NBEAL1: variants seen among roughly 807,000 people sequenced by gnomAD.
The protein encoded by NBEAL1 is neurobeachin like 1, also known as neurobeachin-like protein 1.
A neutral mutation model predicts 351.3 loss-of-function variants in NBEAL1; 273 were observed. The ratio of observed to expected loss-of-function variants is 0.78; its 90% CI spans 0.70 to 0.86. The LOEUF is 0.86. Among genes scored for constraint, NBEAL1 ranks in the 40% least tolerant of loss-of-function variants. The pLI, the probability that NBEAL1 is intolerant of heterozygous loss-of-function variation, is 0.00. For synonymous variants in NBEAL1, 1,050 were observed against 1,086.4 expected, an observed-to-expected ratio of 0.97 and a Z score of 0.66; for missense variants, 2,961 against 3,201.3, an observed-to-expected ratio of 0.92 and a Z score of 1.81.
At chr2:203,031,728 G>A (rs1484890837) in intron 2 of NBEAL1, among the ~76,000 whole-genome samples, 6 of 152,100 alleles carry the variant, frequency 3.9e-5, no homozygotes, top group Admixed American at 2.6e-4. Context: ...AAAATTGAAC[G>A]ATAAAAGTAC....
chr2:203,190,286 T>C lies in NBEAL1; in HGVS notation c.6824-6T>C. ...TCTATAGTAAGTTGACTTCTTCTGG[T>C]TTTAGGAGCTGTGGATCTGGATGCC... is the stretch of plus-strand genomic sequence containing the variant. On this transcript the variant is annotated splice_region_variant and splice_polypyrimidine_tract_variant and intron_variant, in intron 45 of 55. Transcript: ENST00000683969. 3.8e-6 allele frequency: 6 copies of C among 1,599,408 alleles called. No homozygotes were observed. Among genetic ancestry groups the C allele is most frequent in the Non-Finnish European group, 5.1e-6 (6 of 1,174,062 alleles).
intron 27 of NBEAL1, among the ~76,000 whole-genome samples, chr2:203,133,821 G>GA (rs2063133586): frequency 6.6e-6 from 1 of 150,840 alleles, no homozygotes; most frequent in Admixed American, 6.6e-5. Context: ...TGACAGAAAA[G>GA]AAAAATATAT....
At chr2:203,127,016 C>T in intron 23 of NBEAL1, 90 bp downstream of exon 23, 1 of 885,838 alleles carries the variant, frequency 1.1e-6, no homozygotes, top group Non-Finnish European at 1.7e-6. Flanking sequence ...TTCTCTTTAC[C>T]AGCGATTCTA....
chr2:203,057,390 A>C lies in NBEAL1; in HGVS notation c.452A>C (p.His151Pro). 1 of 1,552,818 alleles carries C rather than the reference A, an allele frequency of 6.4e-7. No homozygotes were observed. Among genetic ancestry groups the C allele is most frequent in the East Asian group, 2.4e-5 (1 of 41,750 alleles). Reference sequence around the variant, plus strand: ...ACATGTATTGAAGAATTTGTGATCCACGCATTGGCATTTTGTGAAAGCTTA... The same window carrying C: ...ACATGTATTGAAGAATTTGTGATCCCCGCATTGGCATTTTGTGAAAGCTTA... ...DQTCIEEFVI[H>P]ALAFCESLYD... The change falls in exon 6 of 56, where the codon CAC (histidine) becomes CCC (proline). Residue 151 changes from histidine to proline, a missense_variant. By Grantham distance (77) the His-to-Pro change is moderately conservative. Transcript: ENST00000683969.
intron 4 of NBEAL1, among the ~76,000 whole-genome samples, chr2:203,051,450 G>A (rs200477489): frequency 6.6e-6 from 1 of 151,870 alleles, no homozygotes; most frequent in South Asian, 2.1e-4. Context: ...AGGCTGAGAG[G>A]CAGGAAAATT....
intron 3 of NBEAL1, 141 bp from the exon 4 acceptor site, chr2:203,049,673 G>A (rs75059337): frequency 0.012 from 7,579 of 618,528 alleles, 423 homozygotes; most frequent in African/African-American, 0.12. Context: ...CATCTGTGTT[G>A]CAGACGAGAA....
At chr2:203,145,230 A>G (rs919289742) in intron 33 of NBEAL1, 70 bp downstream of exon 33, 3 of 1,331,716 alleles carry the variant, frequency 2.3e-6, no homozygotes, top group Admixed American at 2.6e-5. Flanking sequence ...ATTAAGAGTA[A>G]TACAGGCCCC....
rs2065970543 is a variant in NBEAL1 at position 203,223,391 on chromosome 2, C to A, written c.*6037C>A. Reference sequence around the variant, plus strand: ...CAATTTTGTCATTTAAAAAATTACCCATTCATTTTTCAAACTTGACTGTTA... The same window carrying A: ...CAATTTTGTCATTTAAAAAATTACCAATTCATTTTTCAAACTTGACTGTTA... On this transcript the variant is annotated 3_prime_UTR_variant, in exon 56 of 56. Transcript: ENST00000683969. Among the ~76,000 whole-genome samples the A allele has an allele frequency of 6.6e-6, 1 of 152,114 alleles. No homozygotes were observed. Among genetic ancestry groups the A allele is most frequent in the African/African-American group, 2.4e-5 (1 of 41,536 alleles).
At chr2:203,200,592 G>T (rs559555904) in intron 49 of NBEAL1, among the ~76,000 whole-genome samples, 2 of 152,074 alleles carry the variant, frequency 1.3e-5, no homozygotes, top group Admixed American at 1.3e-4. Context: ...TACTCGGGGG[G>T]CTGAGGCAGG....
chr2:203,047,673 T>C (rs980445184), intron 3 of NBEAL1, among the ~76,000 whole-genome samples: 5 of 152,038 alleles, frequency 3.3e-5, no homozygotes, highest in African/African-American at 1.2e-4. Flanking sequence ...TTAAGTATGG[T>C]GTAAAAATCT....
rs1163917694 is a variant in NBEAL1 at position 203,055,545 on chromosome 2, C to T, written c.306-882C>T. Among the ~76,000 whole-genome samples the T allele has an allele frequency of 3.9e-5, 6 of 152,110 alleles. No homozygotes were observed. The South Asian group carries it at 1.2e-3, about 32-fold the overall frequency. ...GCATGAGCCCAAGAGTTTGATGCTG[C>T]AGTGCACTGTGATTGCACCACTGCA... On this transcript the variant is annotated intron_variant, in intron 4 of 55. Transcript: ENST00000683969.
chr2:203,211,774 A>G (rs554408018), intron 54 of NBEAL1, among the ~76,000 whole-genome samples: 30 of 152,210 alleles, frequency 2.0e-4, no homozygotes, highest in Non-Finnish European at 3.4e-4. Context: ...TGGTAAAATA[A>G]AGTAGAGTAT....
chr2:203,070,991 T>A (rs939951830), intron 7 of NBEAL1, among the ~76,000 whole-genome samples: 1 of 152,242 alleles, frequency 6.6e-6, no homozygotes, highest in Non-Finnish European at 1.5e-5. Flanking sequence ...CTTGAACTCC[T>A]GGCCTCTAGT....
At chr2:203,052,719 GTTAT>G (rs56277425) in intron 4 of NBEAL1, among the ~76,000 whole-genome samples, 267 of 145,500 alleles carry the variant, frequency 1.8e-3, no homozygotes, top group Middle Eastern at 0.01. Context: ...ACCATGCCCA[GTTAT>G]TTATTTATTT....
chr2:203,081,091 T>C (rs1419133730), intron 8 of NBEAL1, among the ~76,000 whole-genome samples: 1 of 152,210 alleles, frequency 6.6e-6, no homozygotes, highest in Non-Finnish European at 1.5e-5. Flanking sequence ...GGCATAGCTA[T>C]AGTGGGATTT....
intron 37 of NBEAL1, 80 bp downstream of exon 37, chr2:203,166,377 A>AG: frequency 1.5e-6 from 2 of 1,321,836 alleles, no homozygotes; most frequent in Non-Finnish European, 2.1e-6. Flanking sequence ...AGAAGAAGAA[A>AG]GCAGTAAGAT....
chr2:203,094,327 T>C (rs2062131528), intron 10 of NBEAL1, among the ~76,000 whole-genome samples: 1 of 152,232 alleles, frequency 6.6e-6, no homozygotes, highest in African/African-American at 2.4e-5. Flanking sequence ...TGAAATCTTA[T>C]GAAAACCTAA....
rs939280274 is a variant in NBEAL1 at position 203,221,975 on chromosome 2, G to A, written c.*4621G>A. Among the ~76,000 whole-genome samples the A allele has an allele frequency of 6.6e-6, 1 of 152,148 alleles. No individual in the cohort carries two copies. Among genetic ancestry groups the A allele is most frequent in the East Asian group, 1.9e-4 (1 of 5,192 alleles). On this transcript the variant is annotated 3_prime_UTR_variant, in exon 56 of 56. Transcript: ENST00000683969. ...AGGCTGAGGCAGGAGGATCACTGGA[G>A]CCTAGGAGCTCAAGACCAGCCTGGG...
chr2:203,143,890 G>A (rs1028917619), intron 31 of NBEAL1, among the ~76,000 whole-genome samples: 23 of 151,998 alleles, frequency 1.5e-4, no homozygotes, highest in African/African-American at 5.6e-4. Flanking sequence ...AGCAAAATCA[G>A]ACAAGTTTGC....
Sources: allele counts gnomAD v4.1 joint callset (sites outside exome capture counted in the v4.1 genomes callset), GRCh38; gene constraint gnomAD v4.1.1; transcripts MANE v1.5; gene names NCBI Gene and HGNC (gene_info 2026-07-23, HGNC 2026-07-21).